Variants in NEBL observed in about 807,000 individuals in gnomAD.
NEBL encodes the protein nebulette.
In NEBL, 122 loss-of-function variants were observed where a neutral mutation model predicts 140.2. The observed-to-expected ratio is 0.87, with a 90% CI of 0.75 to 1.01. The LOEUF is 1.01. Ranked by LOEUF, NEBL falls within the 50% of genes least tolerant of loss-of-function variation. The pLI is 0.00. For missense variants in NEBL, 1,365 were observed against 1,231.3 expected (o/e 1.11, Z -1.62); for synonymous variants, 436 against 398.9 (o/e 1.09, Z -1.11).
chr10:21,281,245 G>A (rs1008555056), intron 1 of NEBL, among the ~76,000 whole-genome samples: 1 of 152,156 alleles, frequency 6.6e-6, no homozygotes, highest in East Asian at 1.9e-4. Context: ...ACTCTAATTA[G>A]TGTAAATATA....
chr10:20,963,003 AACACACACACACACACAC>A (rs35031266), intron 3 of NEBL, among the ~76,000 whole-genome samples: 8 of 143,208 alleles, frequency 5.6e-5, no homozygotes, highest in East Asian at 2.1e-4. Flanking sequence ...TTGAAAGAAA[AACACACACACACACACAC>A]ACACACACAC....
At chr10:20,940,302 C>T (rs959145658) in intron 4 of NEBL, among the ~76,000 whole-genome samples, 11 of 150,822 alleles carry the variant, frequency 7.3e-5, no homozygotes, top group Non-Finnish European at 1.3e-4. Flanking sequence ...CGCTCAACTA[C>T]ATGGAAACTG....
intron 2 of NEBL, among the ~76,000 whole-genome samples, chr10:21,115,683 T>A (rs1838252224): frequency 6.6e-6 from 1 of 152,112 alleles, no homozygotes; most frequent in East Asian, 1.9e-4. Context: ...TGCCTTGGTG[T>A]AGTTTTTTTC....
At chr10:21,029,737 C>T (rs1589152454) in intron 2 of NEBL, 1 of 826,436 alleles carries the variant, frequency 1.2e-6, no homozygotes, top group East Asian at 2.5e-5. Context: ...TGGCCCATGC[C>T]GGGATATGGA....
At chr10:21,018,154 TTAAA>T (rs1838634868) in intron 3 of NEBL, among the ~76,000 whole-genome samples, 1 of 152,104 alleles carries the variant, frequency 6.6e-6, no homozygotes, top group South Asian at 2.1e-4. Flanking sequence ...TTATAACAAA[TTAAA>T]TATAGTCATT....
At chr10:21,035,896 C>T (rs536903404) in intron 2 of NEBL, among the ~76,000 whole-genome samples, 72 of 152,238 alleles carry the variant, frequency 4.7e-4, no homozygotes, top group Admixed American at 1.4e-3. Context: ...GGCACGGTAG[C>T]TTAGGCCTGT....
At chr10:20,943,846 T>C (rs1448094817) in intron 4 of NEBL, among the ~76,000 whole-genome samples, 1 of 152,172 alleles carries the variant, frequency 6.6e-6, no homozygotes, top group Non-Finnish European at 1.5e-5. Context: ...AGCATCCTCA[T>C]AAGCTGGCAA....
intron 3 of NEBL, among the ~76,000 whole-genome samples, chr10:20,984,976 G>A (rs1456741423): frequency 6.6e-6 from 1 of 152,186 alleles, no homozygotes; most frequent in Non-Finnish European, 1.5e-5. Flanking sequence ...ATGAGAGTCT[G>A]ATGCTCTCAT....
intron 3 of NEBL, chr10:21,247,774 C>T (rs1319799181): frequency 6.4e-6 from 1 of 155,336 alleles, no homozygotes; most frequent in African/African-American, 2.4e-5. Flanking sequence ...CATAACCTAA[C>T]ACTTTCTGAA....
intron 4 of NEBL, among the ~76,000 whole-genome samples, chr10:20,903,847 TAAC>T (rs1847976909): frequency 7.0e-6 from 1 of 142,408 alleles, no homozygotes; most frequent in Non-Finnish European, 1.5e-5. Flanking sequence ...TAGAGTACTG[TAAC>T]GGCCAATGGA....
intron 3 of NEBL, among the ~76,000 whole-genome samples, chr10:21,227,714 C>CTTCTTTT (rs1589337805): frequency 1.5e-5 from 1 of 64,598 alleles, no homozygotes; most frequent in Non-Finnish European, 3.1e-5. Flanking sequence ...CTTCTTCTTT[C>CTTCTTTT]TTCTTCTTCT....
chr10:21,210,579 C>A (rs892822280), intron 3 of NEBL, among the ~76,000 whole-genome samples: 4 of 152,126 alleles, frequency 2.6e-5, no homozygotes, highest in Non-Finnish European at 2.9e-5. Context: ...AACAAAAATT[C>A]AAAGCAAAAT....
intron 2 of NEBL, among the ~76,000 whole-genome samples, chr10:21,043,857 A>T (rs1241103695): frequency 6.6e-6 from 1 of 152,204 alleles, no homozygotes; most frequent in African/African-American, 2.4e-5. Context: ...TTTATTATCT[A>T]TTATAAAATT....
chr10:21,245,542 G>C (rs1842505512), intron 3 of NEBL, among the ~76,000 whole-genome samples: 1 of 152,048 alleles, frequency 6.6e-6, no homozygotes, highest in Admixed American at 6.6e-5. Flanking sequence ...TGTTGTTGTT[G>C]TTGTTTTGAG....
intron 6 of NEBL, 92 bp from the exon 7 acceptor site, chr10:20,868,857 C>T: frequency 2.4e-6 from 2 of 830,662 alleles, no homozygotes; most frequent in East Asian, 2.5e-5. Context: ...AATAACAGAC[C>T]TTCATCTCAT....
chr10:20,836,271 G>A (rs1375032253), intron 13 of NEBL, among the ~76,000 whole-genome samples: 1 of 152,048 alleles, frequency 6.6e-6, no homozygotes, highest in Non-Finnish European at 1.5e-5. Context: ...CGCGCAGGCT[G>A]GAGTGCAGTG....
chr10:20,795,260 G>A (rs1836396830), intron 26 of NEBL, among the ~76,000 whole-genome samples: 1 of 152,158 alleles, frequency 6.6e-6, no homozygotes, highest in Admixed American at 6.5e-5. Context: ...AAAGAAAAAT[G>A]AGTTTAAATG....
At chr10:20,813,635 G>A (rs886347639) in intron 23 of NEBL, 6 of 307,060 alleles carry the variant, frequency 2.0e-5, no homozygotes, top group Admixed American at 4.5e-5. Flanking sequence ...CAGGCAAACA[G>A]ACCAAATTTT....
intron 1 of NEBL, among the ~76,000 whole-genome samples, chr10:21,288,619 G>T (rs1843093035): frequency 6.7e-6 from 1 of 150,024 alleles, no homozygotes; most frequent in South Asian, 2.1e-4. Flanking sequence ...AAATTAGCCG[G>T]GCCTGCTGGC....
Sources: gnomAD v4.1 joint callset for allele counts (sites outside exome capture counted in the v4.1 genomes callset) on GRCh38, gnomAD v4.1.1 for gene constraint, MANE v1.5 for transcripts, NCBI Gene and HGNC (gene_info 2026-07-23, HGNC 2026-07-21) for gene names.